The following GSG1L variants were observed in gnomAD, a reference collection of about 807,000 sequenced individuals.
The protein encoded by GSG1L is GSG1 like.
In GSG1L, 24 loss-of-function variants were observed where a neutral mutation model predicts 42.1. The observed-to-expected ratio is 0.57, with a 90% CI of 0.41 to 0.80. GSG1L has a LOEUF of 0.80. GSG1L is among the 30% of genes least tolerant of loss of function. The probability of loss-of-function intolerance (pLI) is 0.00; values close to 1 mark genes in which losing one functional copy is unlikely to be tolerated. For missense variants in GSG1L, 445 were observed against 472.2 expected (o/e 0.94, Z 0.53); for synonymous variants, 215 against 203.5 (o/e 1.06, Z -0.48).
rs963512134 is a variant in GSG1L at position 28,040,412 on chromosome 16, A to G, written c.349+22664T>C. On this transcript the variant is annotated intron_variant, in intron 1 of 6. Coordinates refer to ENST00000447459, the MANE Select transcript of GSG1L (RefSeq NM_001109763.2). This position sits in a 1 kb window ranked among gnomAD's most constrained non-coding sequence, Gnocchi z 4.1. ...ACTGTAATTCTCATGCTCTAAAACCATCTTATTTGCTTATCTGTTGCCTCA... is the reference window on the plus strand; with the variant it reads ...ACTGTAATTCTCATGCTCTAAAACCGTCTTATTTGCTTATCTGTTGCCTCA... Among the ~76,000 whole-genome samples, 3 of 152,052 alleles carry G rather than the reference A, an allele frequency of 2.0e-5. No individual in the cohort carries two copies. The highest frequency in any genetic ancestry group is 7.2e-5 in the African/African-American group (3 of 41,392).
intron 2 of GSG1L, among the ~76,000 whole-genome samples, chr16:27,953,750 A>G (rs1051360664): frequency 2.0e-5 from 3 of 152,130 alleles, no homozygotes; most frequent in African/African-American, 7.2e-5. Context: ...ATGGTGGTGC[A>G]TGCCTGTAAT....
At chr16:27,838,825 C>A (rs558718225) in intron 4 of GSG1L, among the ~76,000 whole-genome samples, 36 of 152,270 alleles carry the variant, frequency 2.4e-4, no homozygotes, top group Non-Finnish European at 1.5e-5. Flanking sequence ...CCAGCTGGTC[C>A]CTCCATGGCC....
intron 1 of GSG1L, among the ~76,000 whole-genome samples, chr16:27,978,371 C>G (rs2085274166): frequency 1.3e-5 from 2 of 152,178 alleles, no homozygotes; most frequent in African/African-American, 4.8e-5. Context: ...AAGCTGGGCT[C>G]TGGCTTCCCG....
Position 27,888,438 on chromosome 16 carries a change from TTCTTTCTTTCTTTCTTTCTTTCTTTCTC to T in GSG1L, c.398-3828_398-3801del, listed in dbSNP as rs1213308393. 4.0e-4 allele frequency among the ~76,000 whole-genome samples: 11 copies of T among 27,248 alleles called. No homozygotes were observed. The East Asian group carries it at 5.1e-3, about 13-fold the overall frequency. The allele number at this position is 27,248 out of a possible 152,430, so 17.9% of individuals were successfully genotyped here. A position where few individuals can be genotyped will look rare whatever the true frequency, so the allele number is the denominator to read the frequency against. On this transcript the variant is annotated intron_variant, in intron 2 of 6. Transcript: ENST00000447459. The stretch of plus-strand genomic sequence containing the variant: ...TTTCTTTCTTTCTTTCTTTCTTTCT[TTCTTTCTTTCTTTCTTTCTTTCTTTCTC>T]TCTCTCTCTCTCTTTCCTTTCTTTC...
In GSG1L at chr16:27,845,040, T is replaced by G; in HGVS notation, c.572A>C (p.His191Pro). The G allele has an allele frequency of 6.2e-7, 1 of 1,613,360 alleles. No individual in the cohort carries two copies. Among genetic ancestry groups the G allele is most frequent in the Non-Finnish European group, 8.5e-7 (1 of 1,179,570 alleles). ...CTGGAACACCTGCGTGTACATCATG[T>G]GGGCGACCATTCCCAGGAGGCCTGT... ...VLSGLLGMVA[H>P]MMYTQVFQVT... Residue 191 changes from histidine to proline, a missense_variant, in exon 4 of 7, where the codon CAC becomes CCC. Transcript: ENST00000447459.
intron 1 of GSG1L, among the ~76,000 whole-genome samples, chr16:28,023,422 A>G (rs1477275191): frequency 1.3e-5 from 2 of 152,238 alleles, no homozygotes; most frequent in Non-Finnish European, 2.9e-5. Context: ...TGAGACTGCA[A>G]TGAACATTCT....
At chr16:27,870,128 T>C (rs1053482793) in intron 3 of GSG1L, among the ~76,000 whole-genome samples, 2 of 148,884 alleles carry the variant, frequency 1.3e-5, no homozygotes, top group Non-Finnish European at 3.0e-5. Flanking sequence ...TCTCTGTCTG[T>C]CTCTGTGTCT....
chr16:27,801,114 C>T (rs562878015), intron 6 of GSG1L, among the ~76,000 whole-genome samples: 1 of 152,126 alleles, frequency 6.6e-6, no homozygotes, highest in East Asian at 1.9e-4. Flanking sequence ...TGCAAGGGTC[C>T]TACCAAGGGA....
At position 28,040,808 on chromosome 16, in the gene GSG1L, T is replaced by C. The variant is rs2086096986; in HGVS notation, c.349+22268A>G. Among the ~76,000 whole-genome samples the C allele has an allele frequency of 6.6e-6, 1 of 152,126 alleles. No homozygotes were observed. The highest frequency in any genetic ancestry group is 2.1e-4 in the South Asian group (1 of 4,830). ...GCTGACTGGCCGCCAGGGCATCTCC[T>C]AGAATCAGTTCAGGTTCAGCCAGAC... On this transcript the variant is annotated intron_variant, in intron 1 of 6. Transcript: ENST00000447459. This position sits in a 1 kb window ranked among gnomAD's most constrained non-coding sequence, Gnocchi z 4.1.
chr16:27,792,908 C>G (rs372466962), intron 6 of GSG1L, among the ~76,000 whole-genome samples: 3 of 152,178 alleles, frequency 2.0e-5, no homozygotes, highest in Admixed American at 6.5e-5. Flanking sequence ...AGCCGAGGCT[C>G]TGTAAGGATT....
intron 5 of GSG1L, among the ~76,000 whole-genome samples, chr16:27,820,096 G>C (rs1006500967): frequency 6.6e-6 from 1 of 152,184 alleles, no homozygotes; most frequent in Non-Finnish European, 1.5e-5. Flanking sequence ...TATGGAGGGA[G>C]AGATGGAAAT....
intron 5 of GSG1L, among the ~76,000 whole-genome samples, chr16:27,820,980 T>C (rs1322926369): frequency 2.0e-5 from 3 of 152,168 alleles, no homozygotes; most frequent in Admixed American, 1.3e-4. Context: ...TCCCCGTGCC[T>C]GAAATAGCCT....
At chr16:27,901,487 A>G (rs1004827334) in intron 2 of GSG1L, among the ~76,000 whole-genome samples, 1 of 152,062 alleles carries the variant, frequency 6.6e-6, no homozygotes, top group Non-Finnish European at 1.5e-5. Context: ...AGGTTAACCA[A>G]CTCTGCTATT....
At chr16:28,021,978 C>G (rs1000735429) in intron 1 of GSG1L, among the ~76,000 whole-genome samples, 1 of 152,184 alleles carries the variant, frequency 6.6e-6, no homozygotes, top group African/African-American at 2.4e-5. Flanking sequence ...AGTTGCAATG[C>G]CTTTTGTGAC....
intron 1 of GSG1L, among the ~76,000 whole-genome samples, chr16:27,992,495 C>CA (rs34225891): frequency 1.1e-4 from 16 of 145,174 alleles, no homozygotes; most frequent in African/African-American, 1.8e-4. Flanking sequence ...AACTCCATCT[C>CA]AAAAAAAAAA....
At chr16:27,797,553 T>G (rs922549349) in intron 6 of GSG1L, among the ~76,000 whole-genome samples, 2 of 132,740 alleles carry the variant, frequency 1.5e-5, no homozygotes, top group African/African-American at 2.9e-5. Context: ...CCGGGCGCGG[T>G]GGCTCACGCC....
chr16:27,982,854 T>C (rs375372446), intron 1 of GSG1L, among the ~76,000 whole-genome samples: 1 of 152,154 alleles, frequency 6.6e-6, no homozygotes, highest in Non-Finnish European at 1.5e-5. Flanking sequence ...AAGTCATTCA[T>C]AAGGGATCCA....
At chr16:27,937,555 C>T (rs1402679629) in intron 2 of GSG1L, among the ~76,000 whole-genome samples, 3 of 152,164 alleles carry the variant, frequency 2.0e-5, no homozygotes, top group African/African-American at 7.2e-5. Flanking sequence ...TCTGCCCTCT[C>T]GAAGGACCAT....
At chr16:27,799,514 C>T (rs531039507) in intron 6 of GSG1L, among the ~76,000 whole-genome samples, 1 of 152,282 alleles carries the variant, frequency 6.6e-6, no homozygotes, top group East Asian at 1.9e-4. Flanking sequence ...CACTGCACTC[C>T]AGCCTGGGTG....
Sources: gnomAD v4.1 joint callset for allele counts (sites outside exome capture counted in the v4.1 genomes callset) on GRCh38, gnomAD v4.1.1 for gene constraint, Gnocchi (gnomAD v3.1) non-coding constraint, MANE v1.5 for transcripts, NCBI Gene and HGNC (gene_info 2026-07-23, HGNC 2026-07-21) for gene names.